The following CTBP2 variants were observed in gnomAD, a reference collection of about 807,000 sequenced individuals.
CTBP2 encodes the protein C-terminal-binding protein 2.
CTBP2 carries 30 observed loss-of-function variants against 80.3 expected under a neutral mutation model. The ratio of observed to expected loss-of-function variants is 0.37; its 90% CI spans 0.28 to 0.51. The LOEUF is 0.51. Ranked by LOEUF, CTBP2 falls within the 20% of genes least tolerant of loss-of-function variation. The pLI, the probability that CTBP2 is intolerant of heterozygous loss-of-function variation, is 0.93. For synonymous variants in CTBP2, 594 were observed against 587.4 expected (o/e 1.01, Z -0.16); for missense variants, 1,212 against 1,375.3 (o/e 0.88, Z 1.88).
intron 2 of CTBP2, among the ~76,000 whole-genome samples, chr10:125,073,146 T>A (rs1175471888): frequency 5.3e-5 from 8 of 152,256 alleles, no homozygotes; most frequent in African/African-American, 1.9e-4. Context: ...GCCACTCTCT[T>A]ACATTTTACA....
intron 1 of CTBP2, among the ~76,000 whole-genome samples, chr10:125,120,308 A>C (rs1254702): frequency 0.89 from 134,913 of 152,286 alleles, 60,050 homozygotes; most frequent in African/African-American, 0.97. Context: ...AAACAAATGA[A>C]GTGAGAACCA....
intron 2 of CTBP2, among the ~76,000 whole-genome samples, chr10:125,069,895 C>G (rs10901861): frequency 1.4e-5 from 2 of 141,662 alleles, no homozygotes; most frequent in African/African-American, 5.2e-5. Context: ...CCTCCCCCCC[C>G]CACACAAACC....
intron 2 of CTBP2, among the ~76,000 whole-genome samples, chr10:125,067,381 T>G (rs1844810246): frequency 6.6e-6 from 1 of 152,230 alleles, no homozygotes; most frequent in Admixed American, 6.5e-5. Context: ...GAATACAATG[T>G]AGACTTCAGT....
At chr10:125,109,155 T>C (rs147471407) in intron 2 of CTBP2, among the ~76,000 whole-genome samples, 131 of 152,380 alleles carry the variant, frequency 8.6e-4, no homozygotes, top group African/African-American at 2.9e-3. Context: ...TTCATCCTTA[T>C]ACACCAAGTT....
intron 2 of CTBP2, among the ~76,000 whole-genome samples, chr10:125,063,068 G>T (rs2135370137): frequency 6.6e-6 from 1 of 152,314 alleles, no homozygotes; most frequent in South Asian, 2.1e-4. Context: ...AGCGAGGCAG[G>T]GCCCTGGGCA....
intron 1 of CTBP2, among the ~76,000 whole-genome samples, chr10:125,111,508 A>G (rs75068074): frequency 2.6e-5 from 4 of 152,254 alleles, no homozygotes; most frequent in Non-Finnish European, 4.4e-5. Flanking sequence ...CACGGTTTAT[A>G]AGTGCTATTA....
intron 2 of CTBP2, among the ~76,000 whole-genome samples, chr10:125,104,647 G>A (rs988018943): frequency 6.6e-6 from 1 of 152,208 alleles, no homozygotes; most frequent in African/African-American, 2.4e-5. Flanking sequence ...GAATTACGCA[G>A]CATTTTCTTT....
chr10:125,012,827 G>A (rs985348863), intron 1 of CTBP2, among the ~76,000 whole-genome samples: 1 of 152,094 alleles, frequency 6.6e-6, no homozygotes, highest in African/African-American at 2.4e-5. Flanking sequence ...TGATCCGCCC[G>A]CCTCGGCCTC....
intron 1 of CTBP2, chr10:125,026,069 G>C (rs2134671106): frequency 6.5e-7 from 1 of 1,547,794 alleles, no homozygotes; most frequent in Non-Finnish European, 8.8e-7. Context: ...GGCAGGCGGG[G>C]AGGATGTATT....
At chr10:125,062,237 TG>T (rs1438968690) in intron 2 of CTBP2, among the ~76,000 whole-genome samples, 1 of 148,168 alleles carries the variant, frequency 6.7e-6, no homozygotes. Context: ...TGCCCCTGAA[TG>T]GGGGGACACA....
chr10:125,027,674 G>A lies in CTBP2; in HGVS notation c.86C>T (p.Ala29Val). 1 of 1,613,984 alleles carries A rather than the reference G, an allele frequency of 6.2e-7. No individual in the cohort carries two copies. The highest frequency in any genetic ancestry group is 1.1e-5 in the South Asian group (1 of 91,078). ...CCTCCCCAGAGGCCGCAGGGACTCG[G>A]CGTTCTCCCAGGGGCCCTCGTACCA... The change falls in exon 1 of 9, where the codon GCC becomes GTC. Residue 29 changes from alanine (A) to valine (V), a missense_variant. Physicochemically the swap from Ala to Val is moderately conservative, Grantham distance 64. Around this residue, in one of 3 missense-constraint regions of CTBP2, gnomAD observed 848 missense variants for 782.3 expected, o/e 1.08. Coordinates refer to ENST00000309035, the MANE Select transcript of CTBP2 (RefSeq NM_022802.3).
chr10:124,984,549 C>T lies in CTBP2; in HGVS notation c.*4969G>A. 1 of 529,884 alleles carries T rather than the reference C, an allele frequency of 1.9e-6. No homozygotes were observed. Among genetic ancestry groups the T allele is most frequent in the African/African-American group, 1.9e-5 (1 of 52,642 alleles). The allele number at this position is 529,884 out of a possible 1,614,324, so 32.8% of individuals were successfully genotyped here. A position where few individuals can be genotyped will look rare whatever the true frequency, so the allele number is the denominator to read the frequency against. On this transcript the variant is annotated 3_prime_UTR_variant, in exon 9 of 9. Coordinates refer to ENST00000309035, the MANE Select transcript of CTBP2 (RefSeq NM_022802.3). ...ACAAATTACCCTCTAGTGTGCTCCT[C>T]TTTAGTTTTTTTCTGAGAAATTTCC...
chr10:125,043,908 A>C (rs1960541664), intron 2 of CTBP2, among the ~76,000 whole-genome samples: 1 of 152,200 alleles, frequency 6.6e-6, no homozygotes, highest in Admixed American at 6.5e-5. Context: ...ATCTATTTAA[A>C]CATTCTGTTA....
At chr10:125,057,562 TCC>T in intron 2 of CTBP2, among the ~76,000 whole-genome samples, 1 of 152,308 alleles carries the variant, frequency 6.6e-6, no homozygotes, top group East Asian at 1.9e-4. Flanking sequence ...TGAGTGCGTA[TCC>T]CTTTTCCAGG....
chr10:125,039,837 A>G (rs1323298527), intron 2 of CTBP2, among the ~76,000 whole-genome samples: 1 of 152,224 alleles, frequency 6.6e-6, no homozygotes, highest in Admixed American at 6.5e-5. Flanking sequence ...ACTTGGTTCC[A>G]GCTATATGGG....
At chr10:125,158,732 C>T (rs912945350) in intron 1 of CTBP2, 1 of 152,096 alleles carries the variant, frequency 6.6e-6, no homozygotes, top group Admixed American at 6.5e-5. Flanking sequence ...AAAAATTCCT[C>T]CTCTTCCCTA....
intron 2 of CTBP2, among the ~76,000 whole-genome samples, chr10:125,098,682 G>C (rs896248673): frequency 2.4e-4 from 33 of 137,866 alleles, no homozygotes; most frequent in African/African-American, 5.7e-4. Context: ...GAGAGAGAGA[G>C]AGAGAGAGAG....
At chr10:125,117,228 G>A (rs74163344) in intron 1 of CTBP2, among the ~76,000 whole-genome samples, 13,196 of 152,272 alleles carry the variant, frequency 0.087, 716 homozygotes, top group South Asian at 0.15. Flanking sequence ...GCAGTGGGGG[G>A]TGGCACTGGG....
rs992223399 is a variant in CTBP2 at position 125,005,995 on chromosome 10, C to A, written c.1679-2503G>T. ...CAGAGCCGCTGATGCGTCTGGGGAG[C>A]CTGAGAGGCCATTGTCACAAGATGT... On this transcript the variant is annotated intron_variant, in intron 1 of 8. Transcript: ENST00000309035. The A allele has an allele frequency of 1.5e-5, 21 of 1,438,762 alleles. No individual in the cohort carries two copies. In the African/African-American group the frequency reaches 2.6e-4, roughly 18 times the overall value. 89.1% of individuals were successfully genotyped at this position (1,438,762 alleles called of 1,614,324 possible).
Sources: gnomAD v4.1 joint callset for allele counts (sites outside exome capture counted in the v4.1 genomes callset) on GRCh38, gnomAD v4.1.1 for gene constraint, gnomAD v4.1.1 regional missense constraint, MANE v1.5 for transcripts, NCBI Gene and HGNC (gene_info 2026-07-23, HGNC 2026-07-21) for gene names.